Variants in LPP observed in about 807,000 individuals in gnomAD.
LPP encodes lipoma-preferred partner.
LPP carries 38 observed loss-of-function variants against 60.4 expected under a neutral mutation model. The observed-to-expected ratio is 0.63, with a 90% CI of 0.49 to 0.83. The LOEUF is 0.83. Ranked by LOEUF, LPP falls within the 40% of genes least tolerant of loss-of-function variation. LPP has a pLI of 0.00. For missense variants in LPP, 902 were observed against 783.6 expected, an observed-to-expected ratio of 1.15 and a Z score of -1.80; for synonymous variants, 328 against 290.8, an observed-to-expected ratio of 1.13 and a Z score of -1.30.
chr3:188,729,275 C>A (rs1468300574), intron 8 of LPP, among the ~76,000 whole-genome samples: 1 of 152,066 alleles, frequency 6.6e-6, no homozygotes, highest in Non-Finnish European at 1.5e-5. Flanking sequence ...AGTAGTGGGA[C>A]AAGGAAGGAT....
chr3:188,822,448 T>C (rs1387397272), intron 9 of LPP, among the ~76,000 whole-genome samples: 1 of 152,068 alleles, frequency 6.6e-6, no homozygotes, highest in African/African-American at 2.4e-5. Context: ...GGGTCACCCG[T>C]GTGACATGGC....
chr3:188,342,082 C>T (rs944419766), intron 3 of LPP, among the ~76,000 whole-genome samples: 1 of 152,140 alleles, frequency 6.6e-6, no homozygotes, highest in African/African-American at 2.4e-5. Context: ...GGCTTTTTAC[C>T]TGGTTTCCTA....
At chr3:188,153,369 T>A (rs1169557334), upstream of LPP, 1 of 152,244 alleles carries the variant, frequency 6.6e-6, no homozygotes, top group East Asian at 1.9e-4. Context: ...ACCTTGTAAG[T>A]TTTGAGTCTT....
chr3:188,334,427 T>C (rs913987527), intron 2 of LPP, among the ~76,000 whole-genome samples: 4 of 145,960 alleles, frequency 2.7e-5, no homozygotes, highest in African/African-American at 5.1e-5. Context: ...TCTTTCTTTT[T>C]TTTTTTTTTT....
intron 1 of LPP, among the ~76,000 whole-genome samples, chr3:188,197,524 A>T (rs951130771): frequency 6.6e-6 from 1 of 151,990 alleles, no homozygotes; most frequent in African/African-American, 2.4e-5. Flanking sequence ...TTTCATCTTT[A>T]CTTCTCCTTC....
At chr3:188,871,177 T>C (rs1444053658) in intron 10 of LPP, among the ~76,000 whole-genome samples, 2 of 152,186 alleles carry the variant, frequency 1.3e-5, no homozygotes, top group Admixed American at 1.3e-4. Context: ...GGCTTATGGA[T>C]ACACTGAAAA....
At chr3:188,181,969 C>T (rs1725148104) in intron 1 of LPP, among the ~76,000 whole-genome samples, 1 of 152,218 alleles carries the variant, frequency 6.6e-6, no homozygotes, top group Admixed American at 6.5e-5. Flanking sequence ...TTTTAGGCAA[C>T]CCAGATATAA....
At position 188,510,560 on chromosome 3, in the gene LPP, C is replaced by T. The variant is rs190979158; in HGVS notation, c.307-14105C>T. Among the ~76,000 whole-genome samples, 8 of 152,258 alleles carry T rather than the reference C, an allele frequency of 5.3e-5. No individual in the cohort carries two copies. In the South Asian group the frequency reaches 1.0e-3, roughly 20 times the overall value. On this transcript the variant is annotated intron_variant, in intron 5 of 11. Coordinates refer to ENST00000617246, the MANE Select transcript of LPP (RefSeq NM_001375462.1). The stretch of plus-strand genomic sequence containing the variant: ...AACACTAAGTCCCAAGATACAATTA[C>T]CCCTGCCCACTCTCTCCTTCGTCAT...
chr3:188,537,377 G>A (rs563883104), intron 6 of LPP, among the ~76,000 whole-genome samples: 3 of 152,308 alleles, frequency 2.0e-5, no homozygotes, highest in African/African-American at 7.2e-5. Flanking sequence ...CAAAAGTTAT[G>A]TAAAAAGGGG....
At chr3:188,620,560 A>G (rs1045775085) in intron 7 of LPP, among the ~76,000 whole-genome samples, 1 of 152,210 alleles carries the variant, frequency 6.6e-6, no homozygotes, top group African/African-American at 2.4e-5. Flanking sequence ...TATTTTCATC[A>G]ATTGATGAAC....
At chr3:188,516,713 T>G (rs1353447651) in intron 5 of LPP, among the ~76,000 whole-genome samples, 1 of 149,800 alleles carries the variant, frequency 6.7e-6, no homozygotes. Flanking sequence ...ACTGGGGATG[T>G]TGAGAACATC....
chr3:188,560,896 G>T (rs1184109606), intron 6 of LPP, among the ~76,000 whole-genome samples: 3 of 152,022 alleles, frequency 2.0e-5, no homozygotes, highest in Non-Finnish European at 4.4e-5. Context: ...TGAAGATGGG[G>T]ATTCTTACCC....
intron 5 of LPP, among the ~76,000 whole-genome samples, chr3:188,518,193 T>A (rs1333976135): frequency 2.0e-5 from 3 of 146,726 alleles, no homozygotes; most frequent in Non-Finnish European, 4.6e-5. Context: ...ACATAGTGTG[T>A]TTTGTTACTT....
intron 3 of LPP, among the ~76,000 whole-genome samples, chr3:188,342,624 G>A (rs919037287): frequency 6.6e-6 from 1 of 152,138 alleles, no homozygotes; most frequent in African/African-American, 2.4e-5. Context: ...TGAATATTTT[G>A]TTAATTCCTT....
chr3:188,678,003 A>C (rs993169172), intron 7 of LPP, among the ~76,000 whole-genome samples: 4 of 152,216 alleles, frequency 2.6e-5, no homozygotes, highest in African/African-American at 9.7e-5. Context: ...CTTCTGACTT[A>C]TGTGGAAACG....
chr3:188,646,485 A>G (rs889699431), intron 7 of LPP, among the ~76,000 whole-genome samples: 3 of 152,168 alleles, frequency 2.0e-5, no homozygotes, highest in Non-Finnish European at 4.4e-5. Flanking sequence ...ATATTTTTGA[A>G]TGATTGTAGG....
intron 1 of LPP, among the ~76,000 whole-genome samples, chr3:188,155,032 C>T (rs1014383163): frequency 1.3e-5 from 2 of 151,972 alleles, no homozygotes; most frequent in African/African-American, 4.8e-5. Context: ...AACCGTGGGC[C>T]AGAGAAGACT....
intron 9 of LPP, among the ~76,000 whole-genome samples, chr3:188,822,601 A>G (rs890799393): frequency 2.1e-4 from 32 of 152,194 alleles, no homozygotes; most frequent in African/African-American, 7.7e-4. Flanking sequence ...CTGTGATGCC[A>G]TGCTCATTTG....
intron 4 of LPP, among the ~76,000 whole-genome samples, chr3:188,478,275 G>A (rs1372512783): frequency 2.0e-5 from 3 of 152,090 alleles, no homozygotes; most frequent in Non-Finnish European, 4.4e-5. Context: ...TCACTTGCAC[G>A]TAATTTAGCT....
Sources: allele counts gnomAD v4.1 joint callset (sites outside exome capture counted in the v4.1 genomes callset), GRCh38; gene constraint gnomAD v4.1.1; transcripts MANE v1.5; gene names NCBI Gene and HGNC (gene_info 2026-07-23, HGNC 2026-07-21).